The following ZDHHC13 variants were observed in gnomAD, a reference collection of about 807,000 sequenced individuals.
ZDHHC13 encodes the protein palmitoyltransferase ZDHHC13.
Under a neutral mutation model 86.0 loss-of-function variants are expected in ZDHHC13, and 85 were observed. The ratio of observed to expected loss-of-function variants is 0.99; its 90% confidence interval spans 0.83 to 1.18. The LOEUF is 1.18. Among genes scored for constraint, ZDHHC13 ranks in the 50% most tolerant of loss-of-function variants. ZDHHC13 has a pLI of 0.00. For synonymous variants in ZDHHC13, 263 were observed against 246.4 expected (o/e 1.07, Z -0.63); for missense variants, 711 against 730.2 (o/e 0.97, Z 0.30).
intron 8 of ZDHHC13, among the ~76,000 whole-genome samples, chr11:19,153,859 C>CT (rs769341781): frequency 1.3e-3 from 194 of 145,102 alleles, no homozygotes; most frequent in East Asian, 7.0e-3. Context: ...CTGTCTTCGC[C>CT]TTTTTTTTTT....
chr11:19,124,990 G>T lies in ZDHHC13; in HGVS notation c.27+7714G>T, dbSNP rs541672778. On this transcript the variant is annotated intron_variant, in intron 1 of 16. Transcript: ENST00000446113. The stretch of plus-strand genomic sequence containing the variant: ...AGTTAAAGCTCAAGGAGCCACAAAG[G>T]GATTTCCTGGCAGCACAGTCACCAG... Among the ~76,000 whole-genome samples the T allele has an allele frequency of 4.6e-5, 7 of 152,150 alleles. No homozygotes were observed. The East Asian group carries it at 1.4e-3, about 29-fold the overall frequency.
At position 19,166,387 on chromosome 11, in the gene ZDHHC13, T is replaced by C; in HGVS notation, c.1474+2T>C. Reference sequence around the variant, plus strand: ...GGATTATATATGGATCTTTCATCTGTAAGTGTAAATTTTTCTTACAACAAG... The same window carrying C: ...GGATTATATATGGATCTTTCATCTGCAAGTGTAAATTTTTCTTACAACAAG... On this transcript the variant is annotated splice_donor_variant, in intron 14 of 16. Transcript: ENST00000446113. LOFTEE classifies it high-confidence loss of function. The C allele has an allele frequency of 6.2e-7, 1 of 1,607,846 alleles. No individual in the cohort carries two copies. The highest frequency in any genetic ancestry group is 8.5e-7 in the Non-Finnish European group (1 of 1,177,404).
At chr11:19,145,326 T>C (rs1228761855) in intron 2 of ZDHHC13, among the ~76,000 whole-genome samples, 1 of 152,222 alleles carries the variant, frequency 6.6e-6, no homozygotes, top group Non-Finnish European at 1.5e-5. Context: ...CCTGTATTTA[T>C]TGCAATAATC....
chr11:19,139,168 T>C (rs949843393), intron 1 of ZDHHC13, among the ~76,000 whole-genome samples: 2 of 151,730 alleles, frequency 1.3e-5, no homozygotes, highest in Middle Eastern at 3.2e-3. Flanking sequence ...GAAAACCCCA[T>C]TGTCTCAGCC....
At position 19,155,876 on chromosome 11, in the gene ZDHHC13, T is replaced by A; in HGVS notation, c.954T>A (p.Leu318=). The A allele has an allele frequency of 6.2e-7, 1 of 1,612,712 alleles. No individual in the cohort carries two copies. The highest frequency in any genetic ancestry group is 2.2e-5 in the East Asian group (1 of 44,784). ...TGGACTTCAATTCAGATTCTTGGCT[T>A]TTAAAAGGATGTCTTCTAGTAACAC... ...YILDFNSDSW[L]LKGCLLVTLF... is the part of the protein sequence containing the mutation. Residue 318 remains leucine, a synonymous_variant, in exon 9 of 17, where the codon CTT becomes CTA. Transcript: ENST00000446113.
chr11:19,123,621 TG>T (rs1356061169), intron 1 of ZDHHC13, among the ~76,000 whole-genome samples: 1 of 152,154 alleles, frequency 6.6e-6, no homozygotes, highest in Non-Finnish European at 1.5e-5. Context: ...CACTCCAGCC[TG>T]GGTGACGGAG....
intron 14 of ZDHHC13, chr11:19,166,992 G>C (rs915507339): frequency 3.3e-5 from 5 of 152,280 alleles, no homozygotes; most frequent in African/African-American, 1.2e-4. Flanking sequence ...CAGCTGTTCT[G>C]AGGTGGTTGA....
Position 19,141,819 on chromosome 11 carries a change from T to C in ZDHHC13, c.28-1159T>C, listed in dbSNP as rs576015146. Among the ~76,000 whole-genome samples the C allele has an allele frequency of 2.1e-4, 32 of 152,244 alleles. No homozygotes were observed. In the South Asian group the frequency reaches 6.4e-3, roughly 31 times the overall value. ...TAAAGAAAAATTTTTTAGCTTGCCA[T>C]GTGCTGCTGCTTCTAATAGGTGATC... On this transcript the variant is annotated intron_variant, in intron 1 of 16. Transcript: ENST00000446113.
chr11:19,175,222 A>T (rs1479010794), intron 16 of ZDHHC13, among the ~76,000 whole-genome samples: 4 of 151,570 alleles, frequency 2.6e-5, no homozygotes, highest in Non-Finnish European at 5.9e-5. Flanking sequence ...CCCCGTCTCT[A>T]CTAAAAAAAT....
chr11:19,145,913 T>C (rs538039176), intron 2 of ZDHHC13, among the ~76,000 whole-genome samples: 2 of 152,332 alleles, frequency 1.3e-5, no homozygotes, highest in South Asian at 2.1e-4. Context: ...ATGAAACTTA[T>C]TGAAGGAAGG....
At chr11:19,128,854 T>A (rs776983975) in intron 1 of ZDHHC13, among the ~76,000 whole-genome samples, 25 of 152,200 alleles carry the variant, frequency 1.6e-4, no homozygotes, top group Non-Finnish European at 3.1e-4. Flanking sequence ...CAGTTATATA[T>A]CCCACAATGT....
chr11:19,147,448 T>C lies in ZDHHC13; in HGVS notation c.297-148T>C, dbSNP rs1356826439. On this transcript the variant is annotated intron_variant, in intron 3 of 16. Coordinates refer to ENST00000446113, the MANE Select transcript of ZDHHC13 (RefSeq NM_019028.3). ...CTGATTCTGCCATGTGAACCTTTCA[T>C]ATTTCTATAGATCTGGGTGTTTTAG... is the stretch of plus-strand genomic sequence containing the variant. The C allele has an allele frequency of 4.7e-6, 3 of 644,380 alleles. No homozygotes were observed. The East Asian group carries it at 8.4e-5, about 18-fold the overall frequency. 39.9% of individuals were successfully genotyped at this position (644,380 alleles called of 1,614,324 possible).
In ZDHHC13 at chr11:19,147,676, A is replaced by C. The variant is rs1391717621; in HGVS notation, c.374+3A>C. On this transcript the variant is annotated splice_donor_region_variant and intron_variant, in intron 4 of 16. Coordinates refer to ENST00000446113, the MANE Select transcript of ZDHHC13 (RefSeq NM_019028.3). ...ACTCCTCTTCACTGGGCCATCCGGT[A>C]AGGTTTCTTTGAACACTGAAATTAA... The C allele has an allele frequency of 6.3e-7, 1 of 1,593,436 alleles. No individual in the cohort carries two copies. The highest frequency in any genetic ancestry group is 2.3e-5 in the East Asian group (1 of 44,410).
intron 1 of ZDHHC13, among the ~76,000 whole-genome samples, chr11:19,126,297 A>G (rs1848873329): frequency 6.8e-6 from 1 of 147,016 alleles, no homozygotes. Context: ...CCTCAAGTAT[A>G]CCCCAGTGTC....
intron 10 of ZDHHC13, among the ~76,000 whole-genome samples, chr11:19,162,715 C>T (rs1405370615): frequency 6.6e-6 from 1 of 152,078 alleles, no homozygotes; most frequent in Non-Finnish European, 1.5e-5. Flanking sequence ...TCAGTCAGCT[C>T]AGCGTGCAGG....
At chr11:19,152,806 A>G (rs1010966025) in intron 8 of ZDHHC13, 122 bp downstream of exon 8, 20 of 1,458,200 alleles carry the variant, frequency 1.4e-5, no homozygotes, top group East Asian at 2.3e-5. Flanking sequence ...TCTGCTGACT[A>G]TATCTTTCCC....
At position 19,164,180 on chromosome 11, in the gene ZDHHC13, T is replaced by C. The variant is rs988506125; in HGVS notation, c.1234-121T>C. On this transcript the variant is annotated intron_variant, in intron 11 of 16. Coordinates refer to ENST00000446113, the MANE Select transcript of ZDHHC13 (RefSeq NM_019028.3). ...AAGCACAGAATGATTTGGTGGCAAGTATTCCAAATTGCTTTTCTAACTACT... is the reference window on the plus strand; with the variant it reads ...AAGCACAGAATGATTTGGTGGCAAGCATTCCAAATTGCTTTTCTAACTACT... The C allele has an allele frequency of 5.7e-5, 51 of 891,822 alleles. No individual in the cohort carries two copies. In the East Asian group the frequency reaches 1.1e-3, roughly 19 times the overall value. The allele number at this position is 891,822 out of a possible 1,614,324, so 55.2% of individuals were successfully genotyped here. A position where few individuals can be genotyped will look rare whatever the true frequency, so the allele number is the denominator to read the frequency against.
In ZDHHC13 at chr11:19,149,192, G is replaced by A. The variant is rs372064048; in HGVS notation, c.380G>A (p.Gly127Glu). Residue 127 changes from glycine to glutamate, a missense_variant, in exon 5 of 17, where the codon GGA becomes GAA. Physicochemically the swap from Gly to Glu is moderately conservative, Grantham distance 98. Coordinates refer to ENST00000446113, the MANE Select transcript of ZDHHC13 (RefSeq NM_019028.3). ...STPLHWAIRQ[G>E]HLPMVILLLQ... Reference sequence around the variant, plus strand: ...TTTTTGTCTTCTATTTGCAGACAAGGACATTTACCTATGGTCATATTATTA... The same window carrying A: ...TTTTTGTCTTCTATTTGCAGACAAGAACATTTACCTATGGTCATATTATTA... 196 of 1,561,342 alleles carry A rather than the reference G, an allele frequency of 1.3e-4. No homozygotes were observed. The highest frequency in any genetic ancestry group is 1.7e-4 in the Non-Finnish European group (194 of 1,146,814).
chr11:19,168,842 A>T, intron 14 of ZDHHC13: 1 of 985,446 alleles, frequency 1.0e-6, no homozygotes, highest in Non-Finnish European at 1.2e-6. Context: ...TACAAGGTGG[A>T]TAGTAAGTGA....
Sources: allele counts gnomAD v4.1 joint callset (sites outside exome capture counted in the v4.1 genomes callset), GRCh38; gene constraint gnomAD v4.1.1; transcripts MANE v1.5; gene names NCBI Gene and HGNC (gene_info 2026-07-23, HGNC 2026-07-21).